The following PSD3 variants were observed in gnomAD, a reference collection of about 807,000 sequenced individuals.
The protein encoded by PSD3 is PH and SEC7 domain-containing protein 3.
A neutral mutation model predicts 105.5 loss-of-function variants in PSD3; 49 were observed. The observed-to-expected ratio is 0.46, with a 90% CI of 0.37 to 0.59. The LOEUF is 0.59. PSD3 is among the 20% of genes least tolerant of loss of function. The pLI, the probability that PSD3 is intolerant of heterozygous loss-of-function variation, is 0.00. For synonymous variants in PSD3, 557 were observed against 457.8 expected (o/e 1.22, Z -2.77); for missense variants, 1,561 against 1,263.8 (o/e 1.24, Z -3.57).
At chr8:18,689,715 G>C (rs1033724163) in intron 9 of PSD3, among the ~76,000 whole-genome samples, 2 of 152,192 alleles carry the variant, frequency 1.3e-5, no homozygotes, top group African/African-American at 4.8e-5. Context: ...GACAGGGCAG[G>C]GGCTTGCCAA....
intron 14 of PSD3, among the ~76,000 whole-genome samples, chr8:18,567,693 C>G (rs2634441): frequency 0.93 from 141,991 of 152,260 alleles, 66,359 homozygotes; most frequent in Non-Finnish European, 0.97. Flanking sequence ...ACTATGGCAA[C>G]ACTTGAGCAC....
chr8:19,084,189 G>C (rs1310964830), intron 1 of PSD3: 2 of 438,530 alleles, frequency 4.6e-6, no homozygotes, highest in Non-Finnish European at 9.2e-6. Flanking sequence ...TGGGATTCAG[G>C]ACATGCGAGT....
intron 10 of PSD3, among the ~76,000 whole-genome samples, chr8:18,651,924 G>A (rs1360938218): frequency 6.6e-6 from 1 of 152,180 alleles, no homozygotes; most frequent in African/African-American, 2.4e-5. Context: ...CTTCACAGAG[G>A]TTAAAGTACA....
At chr8:18,859,395 A>C (rs1816265763) in intron 4 of PSD3, among the ~76,000 whole-genome samples, 2 of 152,142 alleles carry the variant, frequency 1.3e-5, no homozygotes, top group African/African-American at 4.8e-5. Context: ...GATTTTGAGA[A>C]GGGAAAATGA....
At chr8:18,819,009 T>C (rs890126199) in intron 4 of PSD3, among the ~76,000 whole-genome samples, 2 of 152,026 alleles carry the variant, frequency 1.3e-5, no homozygotes, top group African/African-American at 4.8e-5. Context: ...TGTGGAGTAA[T>C]CTGGACAAGC....
At chr8:18,857,178 C>T (rs1816077340) in intron 4 of PSD3, among the ~76,000 whole-genome samples, 1 of 152,188 alleles carries the variant, frequency 6.6e-6, no homozygotes, top group African/African-American at 2.4e-5. Flanking sequence ...GCGGAGTTAC[C>T]TTTAACAGGC....
chr8:19,028,288 C>CT (rs747619068), intron 1 of PSD3, among the ~76,000 whole-genome samples: 1 of 110,606 alleles, frequency 9.0e-6, no homozygotes, highest in Admixed American at 8.7e-5. Context: ...ACCCCCCCCC[C>CT]CCGGCCCACC....
chr8:18,870,087 TG>T (rs888911013), intron 3 of PSD3, among the ~76,000 whole-genome samples: 162 of 152,204 alleles, frequency 1.1e-3, no homozygotes, highest in African/African-American at 3.6e-3. Context: ...GGAGAGCTGA[TG>T]GGTTGGGGAG....
At chr8:18,744,298 G>A (rs1017995935) in intron 9 of PSD3, among the ~76,000 whole-genome samples, 14 of 152,102 alleles carry the variant, frequency 9.2e-5, no homozygotes, top group Non-Finnish European at 1.8e-4. Context: ...AGCTGATAGA[G>A]GAATAATTTC....
At chr8:18,587,637 C>T (rs1465009550) in intron 12 of PSD3, among the ~76,000 whole-genome samples, 2 of 152,298 alleles carry the variant, frequency 1.3e-5, no homozygotes, top group East Asian at 1.9e-4. Context: ...CTCAGGGAGG[C>T]ATCTTCTGAC....
chr8:18,641,470 C>T (rs907147522), intron 10 of PSD3, among the ~76,000 whole-genome samples: 1 of 152,140 alleles, frequency 6.6e-6, no homozygotes, highest in African/African-American at 2.4e-5. Context: ...TACTATATGT[C>T]TCCACAGAGC....
At chr8:18,562,636 C>G (rs1216559308) in intron 14 of PSD3, among the ~76,000 whole-genome samples, 1 of 152,156 alleles carries the variant, frequency 6.6e-6, no homozygotes, top group Non-Finnish European at 1.5e-5. Flanking sequence ...CACCTGTAAT[C>G]CTAGCACTTT....
intron 9 of PSD3, among the ~76,000 whole-genome samples, chr8:18,754,802 A>G (rs1805885479): frequency 6.6e-6 from 1 of 152,176 alleles, no homozygotes; most frequent in African/African-American, 2.4e-5. Context: ...AAGCATTACT[A>G]TAACAACACA....
At chr8:18,965,787 A>T (rs1824202889) in intron 1 of PSD3, among the ~76,000 whole-genome samples, 1 of 152,228 alleles carries the variant, frequency 6.6e-6, no homozygotes, top group Admixed American at 6.5e-5. Context: ...CACCCATGAG[A>T]TGGATCTGAA....
Position 18,594,213 on chromosome 8 carries a change from TTATTATATATATTA to T in PSD3, c.2481+6137_2481+6150del, listed in dbSNP as rs1803860286. On this transcript the variant is annotated intron_variant, in intron 12 of 15. Transcript: ENST00000327040. The stretch of plus-strand genomic sequence containing the variant: ...TTATATACATATTATATAATATATA[TTATTATATATATTA>T]TATAATATATATTATTATATATATT... Among the ~76,000 whole-genome samples the T allele has an allele frequency of 3.5e-4, 3 of 8,518 alleles. 1 individual carries two copies. Among genetic ancestry groups the T allele is most frequent in the African/African-American group, 7.5e-4 (3 of 3,984 alleles). 5.6% of individuals were successfully genotyped at this position (8,518 alleles called of 152,430 possible). A position where few individuals can be genotyped will look rare whatever the true frequency, so the allele number is the denominator to read the frequency against.
At chr8:18,957,677 G>A (rs1340284397) in intron 1 of PSD3, among the ~76,000 whole-genome samples, 4 of 152,198 alleles carry the variant, frequency 2.6e-5, no homozygotes, top group African/African-American at 9.7e-5. Flanking sequence ...TTATGTCTGG[G>A]CATTTTGCCA....
intron 1 of PSD3, among the ~76,000 whole-genome samples, chr8:18,960,808 G>A (rs947562517): frequency 6.6e-6 from 1 of 152,072 alleles, no homozygotes; most frequent in Non-Finnish European, 1.5e-5. Context: ...AAGACAGGCT[G>A]GGCACAGTGG....
At chr8:18,583,345 C>T (rs944079321) in intron 12 of PSD3, among the ~76,000 whole-genome samples, 4 of 152,092 alleles carry the variant, frequency 2.6e-5, no homozygotes, top group African/African-American at 9.7e-5. Flanking sequence ...TGGAGGACTG[C>T]TTGATCCTGG....
At chr8:18,548,725 C>G (rs894058000) in intron 15 of PSD3, among the ~76,000 whole-genome samples, 3 of 152,146 alleles carry the variant, frequency 2.0e-5, no homozygotes, top group Non-Finnish European at 4.4e-5. Context: ...CACTTGCTAT[C>G]TGCAGTGCAT....
Sources: gnomAD v4.1 joint callset for allele counts (sites outside exome capture counted in the v4.1 genomes callset) on GRCh38, gnomAD v4.1.1 for gene constraint, MANE v1.5 for transcripts, NCBI Gene and HGNC (gene_info 2026-07-23, HGNC 2026-07-21) for gene names.